Variants in DOCK7 observed in about 807,000 individuals in gnomAD.
The protein encoded by DOCK7 is dedicator of cytokinesis 7.
In DOCK7, 138 loss-of-function variants were observed where a neutral mutation model predicts 271.0. That is an observed-to-expected ratio of 0.51 (90% CI 0.44 to 0.59). The LOEUF is 0.59. DOCK7 is among the 20% of genes least tolerant of loss of function. The pLI is 0.00. For missense variants in DOCK7, 2,066 were observed against 2,592.4 expected (o/e 0.80, Z 4.41); for synonymous variants, 823 against 876.1 (o/e 0.94, Z 1.07).
intron 2 of DOCK7, among the ~76,000 whole-genome samples, chr1:62,662,426 A>G (rs1557875308): frequency 1.3e-5 from 2 of 152,136 alleles, no homozygotes; most frequent in African/African-American, 4.8e-5. Flanking sequence ...TTGTTTCTAG[A>G]ATAGATTCCT....
At chr1:62,496,567 G>A (rs1646628502) in intron 37 of DOCK7, 70 bp from the exon 38 acceptor site, 3 of 1,409,952 alleles carry the variant, frequency 2.1e-6, no homozygotes, top group East Asian at 5.0e-5. Flanking sequence ...ATTTTTCCTT[G>A]CTAAAAGTAT....
At chr1:62,480,395 T>C (rs966091255) in intron 43 of DOCK7, among the ~76,000 whole-genome samples, 2 of 152,286 alleles carry the variant, frequency 1.3e-5, no homozygotes, top group Middle Eastern at 3.4e-3. Flanking sequence ...TCATCTTCAG[T>C]AATAGGAAAG....
intron 1 of DOCK7, among the ~76,000 whole-genome samples, chr1:62,670,318 G>A (rs1659824608): frequency 6.6e-6 from 1 of 152,266 alleles, no homozygotes; most frequent in Non-Finnish European, 1.5e-5. Context: ...TGCAGCCCTG[G>A]TGCGGGATCC....
chr1:62,518,778 A>C (rs1223083945), intron 31 of DOCK7, among the ~76,000 whole-genome samples: 1 of 149,182 alleles, frequency 6.7e-6, no homozygotes. Context: ...TAAAAGAGAG[A>C]AAAAAAAAAC....
chr1:62,614,323 A>C (rs1652177337), intron 14 of DOCK7, among the ~76,000 whole-genome samples: 1 of 152,028 alleles, frequency 6.6e-6, no homozygotes, highest in South Asian at 2.1e-4. Context: ...AGATATGCTT[A>C]AGGTTTTTGT....
intron 11 of DOCK7, among the ~76,000 whole-genome samples, chr1:62,630,087 A>T (rs557819959): frequency 6.6e-5 from 10 of 152,298 alleles, no homozygotes; most frequent in African/African-American, 2.4e-4. Flanking sequence ...TATGGTCTAA[A>T]AAGAATGTGT....
intron 4 of DOCK7, 120 bp from the exon 5 acceptor site, chr1:62,648,664 A>T (rs1433996995): frequency 5.6e-6 from 3 of 531,178 alleles, no homozygotes; most frequent in East Asian, 3.7e-5. Flanking sequence ...TGTAATAAGA[A>T]TCTATTCTAG....
Position 62,476,155 on chromosome 1 carries a change from C to G in DOCK7, c.5636G>C (p.Gly1879Ala), listed in dbSNP as rs770346552. The change falls in exon 45 of 50, where the codon GGA (glycine) becomes GCA (alanine). Residue 1879 changes from glycine to alanine, a missense_variant and splice_region_variant. By Grantham distance (60) the Gly-to-Ala change is moderately conservative. This residue lies in a region of DOCK7 where 652 missense variants were observed against 922.1 expected (regional missense o/e 0.71). Coordinates refer to ENST00000635253, the MANE Select transcript of DOCK7 (RefSeq NM_001367561.1). ...KLAEISHRLEGFYGERFGEDV... is the reference protein window; with the variant it reads ...KLAEISHRLEAFYGERFGEDV... Reference sequence around the variant, plus strand: ...CTCTCCAAATCTTTCTCCGTAAAATCCCTACAATAAAGAAAAAGAAACATT... The same window carrying G: ...CTCTCCAAATCTTTCTCCGTAAAATGCCTACAATAAAGAAAAAGAAACATT... 1.2e-6 allele frequency: 2 copies of G among 1,610,520 alleles called. No homozygotes were observed. The highest frequency in any genetic ancestry group is 1.7e-5 in the Admixed American group (1 of 59,282).
chr1:62,542,793 A>T, intron 24 of DOCK7, 90 bp from the exon 25 acceptor site: 5 of 1,282,210 alleles, frequency 3.9e-6, no homozygotes, highest in Non-Finnish European at 5.5e-6. Context: ...CGAAGATATA[A>T]TGAGAATAAG....
At chr1:62,632,638 TATCA>T (rs1343092394) in intron 10 of DOCK7, among the ~76,000 whole-genome samples, 4 of 152,184 alleles carry the variant, frequency 2.6e-5, no homozygotes, top group Non-Finnish European at 4.4e-5. Context: ...TGAAATTTGT[TATCA>T]ATTATCCAAC....
At chr1:62,661,985 A>G (rs918558415) in intron 2 of DOCK7, among the ~76,000 whole-genome samples, 4 of 152,220 alleles carry the variant, frequency 2.6e-5, no homozygotes, top group African/African-American at 9.6e-5. Flanking sequence ...TGCAATTAGC[A>G]TGTTACTGTA....
intron 37 of DOCK7, among the ~76,000 whole-genome samples, chr1:62,502,085 A>G (rs1646800087): frequency 6.6e-6 from 1 of 152,156 alleles, no homozygotes; most frequent in African/African-American, 2.4e-5. Context: ...TATTTGCTTG[A>G]TAGAAGGAAA....
At chr1:62,485,430 A>T (rs780686407) in intron 43 of DOCK7, 134 of 985,288 alleles carry the variant, frequency 1.4e-4, no homozygotes, top group Non-Finnish European at 1.6e-4. Context: ...AAAATGAAAC[A>T]TGTGACTAAT....
chr1:62,539,716 T>C (rs1222058151), intron 26 of DOCK7, 36 bp downstream of exon 26: 2 of 1,611,330 alleles, frequency 1.2e-6, no homozygotes, highest in Non-Finnish European at 1.7e-6. Context: ...AATCTGAGCT[T>C]GAAAGAGAGA....
chr1:62,584,380 T>C, intron 15 of DOCK7: 1 of 986,990 alleles, frequency 1.0e-6, no homozygotes, highest in Non-Finnish European at 1.2e-6. Flanking sequence ...TATCAAAAAG[T>C]TATCTTAGGA....
In DOCK7 at chr1:62,504,785, G is replaced by A; in HGVS notation, c.4612-3C>T. On this transcript the variant is annotated splice_polypyrimidine_tract_variant and splice_region_variant and intron_variant, in intron 36 of 49. Coordinates refer to ENST00000635253, the MANE Select transcript of DOCK7 (RefSeq NM_001367561.1). The stretch of plus-strand genomic sequence containing the variant: ...TCTTCAAATAAGAGTTCAGGAAACT[G>A]TAAAACAACAAAACAAACCACCACT... The A allele has an allele frequency of 6.2e-7, 1 of 1,608,502 alleles. No homozygotes were observed. The highest frequency in any genetic ancestry group is 8.5e-7 in the Non-Finnish European group (1 of 1,178,620).
intron 1 of DOCK7, among the ~76,000 whole-genome samples, chr1:62,678,772 T>C (rs1393326335): frequency 6.6e-6 from 1 of 152,026 alleles, no homozygotes; most frequent in African/African-American, 2.4e-5. Context: ...ATTTATAATT[T>C]GTAAAAAAAA....
intron 48 of DOCK7, among the ~76,000 whole-genome samples, chr1:62,463,203 GAACCTCTTTGGTAAAGAGATATTC>G (rs1206146395): frequency 6.6e-6 from 1 of 152,160 alleles, no homozygotes; most frequent in Admixed American, 6.5e-5. Flanking sequence ...ACAGACACAT[GAACCTCTTTGGTAAAGAGATATTC>G]AACCTCTTTG....
At chr1:62,635,800 G>T (rs1054428794) in intron 8 of DOCK7, 1 of 152,000 alleles carries the variant, frequency 6.6e-6, no homozygotes, top group Non-Finnish European at 1.5e-5. Context: ...GGGCCGGGCG[G>T]GGGGTGGTCT....
Sources: gnomAD v4.1 joint callset for allele counts (sites outside exome capture counted in the v4.1 genomes callset) on GRCh38, gnomAD v4.1.1 for gene constraint, gnomAD v4.1.1 regional missense constraint, MANE v1.5 for transcripts, NCBI Gene and HGNC (gene_info 2026-07-23, HGNC 2026-07-21) for gene names.